AEBP2: variants seen among roughly 807,000 people sequenced by gnomAD.
AEBP2 encodes zinc finger protein AEBP2.
AEBP2 carries 10 observed loss-of-function variants against 50.8 expected under a neutral mutation model. The observed-to-expected ratio is 0.20, with a 90% confidence interval of 0.12 to 0.33. The LOEUF is 0.33. AEBP2 is among the 10% of genes least tolerant of loss of function. The probability of loss-of-function intolerance (pLI) is 1.00; values close to 1 mark genes in which losing one functional copy is unlikely to be tolerated. For synonymous variants in AEBP2, 296 were observed against 261.3 expected, an observed-to-expected ratio of 1.13 and a Z score of -1.28; for missense variants, 570 against 688.0, an observed-to-expected ratio of 0.83 and a Z score of 1.92.
At chr12:19,429,474 A>C (rs1250638207) in intron 1 of AEBP2, among the ~76,000 whole-genome samples, 2 of 152,138 alleles carry the variant, frequency 1.3e-5, no homozygotes, top group Non-Finnish European at 2.9e-5. Flanking sequence ...ATGATTTATA[A>C]TCCTTTGGGT....
At chr12:19,446,735 A>C (rs1298422731) in intron 1 of AEBP2, among the ~76,000 whole-genome samples, 2 of 12,800 alleles carry the variant, frequency 1.6e-4, no homozygotes, top group Admixed American at 6.1e-4. Flanking sequence ...CCGTTTCCAA[A>C]AAAAAAAAAA....
chr12:19,509,049 G>A (rs779006126), intron 5 of AEBP2: 6 of 585,586 alleles, frequency 1.0e-5, no homozygotes, highest in Admixed American at 9.8e-5. Context: ...TGTGGCATGT[G>A]CCCAGGCAGA....
chr12:19,493,306 C>T (rs1592765711), intron 3 of AEBP2, among the ~76,000 whole-genome samples: 1 of 152,178 alleles, frequency 6.6e-6, no homozygotes, highest in South Asian at 2.1e-4. Context: ...GAGGCTGAGG[C>T]ACAAAAATCA....
At chr12:19,427,391 A>C (rs916364617) in intron 1 of AEBP2, among the ~76,000 whole-genome samples, 7 of 151,538 alleles carry the variant, frequency 4.6e-5, no homozygotes, top group Non-Finnish European at 8.8e-5. Context: ...AAAAAAAAAA[A>C]AAAAAAAACG....
chr12:19,481,218 ATCC>A (rs1181941060), intron 3 of AEBP2, among the ~76,000 whole-genome samples: 1 of 145,944 alleles, frequency 6.9e-6, no homozygotes. Context: ...CTCTTGCCTC[ATCC>A]TCCCGAGTAA....
intron 5 of AEBP2, among the ~76,000 whole-genome samples, chr12:19,507,454 A>G (rs1949168054): frequency 6.6e-6 from 1 of 152,238 alleles, no homozygotes; most frequent in Non-Finnish European, 1.5e-5. Flanking sequence ...AAAATAAAAA[A>G]TTTGCGCAGA....
chr12:19,444,480 T>G (rs896843967), intron 1 of AEBP2, among the ~76,000 whole-genome samples: 2 of 152,204 alleles, frequency 1.3e-5, no homozygotes, highest in African/African-American at 4.8e-5. Context: ...CACCTGTGAT[T>G]CCAGCACTTT....
At chr12:19,509,054 G>A (rs1949195114) in intron 5 of AEBP2, 1 of 595,080 alleles carries the variant, frequency 1.7e-6, no homozygotes, top group Non-Finnish European at 3.2e-6. Flanking sequence ...CATGTGCCCA[G>A]GCAGACATGG....
chr12:19,413,902 G>GT (rs113571276), intron 1 of AEBP2, among the ~76,000 whole-genome samples: 190 of 143,418 alleles, frequency 1.3e-3, no homozygotes, highest in East Asian at 9.4e-3. Context: ...TTTGTTTTTT[G>GT]TTTTTTTTTT....
intron 2 of AEBP2, among the ~76,000 whole-genome samples, chr12:19,465,043 C>A (rs1041415584): frequency 2.0e-5 from 3 of 151,950 alleles, no homozygotes; most frequent in African/African-American, 7.3e-5. Flanking sequence ...TTTCTTGAAC[C>A]CTTATTCAAA....
intron 1 of AEBP2, among the ~76,000 whole-genome samples, chr12:19,445,452 G>T (rs545093190): frequency 6.7e-6 from 1 of 149,864 alleles, no homozygotes; most frequent in Non-Finnish European, 1.5e-5. Flanking sequence ...GACCTCAAAT[G>T]ATCCGCTTGC....
At chr12:19,458,004 CAGT>C (rs1948301899) in intron 1 of AEBP2, among the ~76,000 whole-genome samples, 1 of 152,092 alleles carries the variant, frequency 6.6e-6, no homozygotes. Context: ...TTCATGAAAT[CAGT>C]AGGTGTTCAT....
At chr12:19,406,428 G>T (rs376267999) in intron 1 of AEBP2, among the ~76,000 whole-genome samples, 1 of 151,958 alleles carries the variant, frequency 6.6e-6, no homozygotes, top group African/African-American at 2.4e-5. Context: ...ATAAATAGAC[G>T]CACACTTTGG....
intron 1 of AEBP2, among the ~76,000 whole-genome samples, chr12:19,432,356 T>C (rs2095751855): frequency 6.6e-6 from 1 of 152,220 alleles, no homozygotes; most frequent in African/African-American, 2.4e-5. Flanking sequence ...CACAATGATC[T>C]CCATTTCTTC....
Position 19,520,677 on chromosome 12 carries a change from C to G in AEBP2, c.*2560C>G, listed in dbSNP as rs1277423041. 6.6e-6 allele frequency: 1 copy of G among 152,152 alleles called. No homozygotes were observed. Among genetic ancestry groups the G allele is most frequent in the Non-Finnish European group, 1.5e-5 (1 of 68,034 alleles). The allele number at this position is 152,152 out of a possible 1,614,324, so 9.4% of individuals were successfully genotyped here. ...GTTCAGCATCAAGCAAACTACAGCT[C>G]ACAAGCATACCCATTTATATGTTGT... On this transcript the variant is annotated 3_prime_UTR_variant, in exon 8 of 8. Transcript: ENST00000266508.
intron 1 of AEBP2, among the ~76,000 whole-genome samples, chr12:19,454,579 C>T (rs1362925779): frequency 2.6e-5 from 4 of 152,106 alleles, no homozygotes; most frequent in Non-Finnish European, 5.9e-5. Context: ...TTCTGAAATT[C>T]GTAGATTTTA....
chr12:19,450,449 AT>A (rs1406474997), intron 1 of AEBP2, among the ~76,000 whole-genome samples: 4 of 150,038 alleles, frequency 2.7e-5, no homozygotes, highest in Non-Finnish European at 5.9e-5. Context: ...TAGATGTTAA[AT>A]ATCTCTTTTG....
intron 6 of AEBP2, among the ~76,000 whole-genome samples, chr12:19,514,440 AT>A (rs1949288998): frequency 6.6e-6 from 1 of 152,200 alleles, no homozygotes; most frequent in African/African-American, 2.4e-5. Flanking sequence ...GCCACTGAAA[AT>A]GTTTAATTTA....
At chr12:19,444,651 GTGT>G (rs1248403042) in intron 1 of AEBP2, among the ~76,000 whole-genome samples, 2 of 152,222 alleles carry the variant, frequency 1.3e-5, no homozygotes, top group Non-Finnish European at 2.9e-5. Context: ...TTACTCTGAA[GTGT>G]TGTTTTGTGG....
Sources: gnomAD v4.1 joint callset for allele counts (sites outside exome capture counted in the v4.1 genomes callset) on GRCh38, gnomAD v4.1.1 for gene constraint, MANE v1.5 for transcripts, NCBI Gene and HGNC (gene_info 2026-07-23, HGNC 2026-07-21) for gene names.